The following JPT1 variants were observed in gnomAD, a reference collection of about 807,000 sequenced individuals.
JPT1 encodes the protein Jupiter microtubule associated homolog 1.
A neutral mutation model predicts 17.0 loss-of-function variants in JPT1; 5 were observed. That is an observed-to-expected ratio of 0.29 (90% CI 0.15 to 0.62). The LOEUF (loss-of-function observed/expected upper bound fraction) is 0.62, where lower values mean the gene tolerates loss of function less well. JPT1 is among the 20% of genes least tolerant of loss of function. The pLI is 0.85. For missense variants in JPT1, 158 were observed against 188.1 expected, an observed-to-expected ratio of 0.84 and a Z score of 0.94; for synonymous variants, 71 against 73.6, an observed-to-expected ratio of 0.96 and a Z score of 0.18.
At chr17:75,145,415 G>A (rs1460574462) in intron 4 of JPT1, 1 of 152,142 alleles carries the variant, frequency 6.6e-6, no homozygotes, top group Non-Finnish European at 1.5e-5. Flanking sequence ...TTTAGCACTT[G>A]TTACAGAAAT....
chr17:75,149,180 G>A (rs994708787), intron 1 of JPT1: 24 of 493,240 alleles, frequency 4.9e-5, no homozygotes, highest in African/African-American at 1.2e-4. Context: ...GCAAGACCCC[G>A]TGTCTCTATA....
At chr17:75,139,871 GGTTT>G (rs1157810692) in intron 4 of JPT1, among the ~76,000 whole-genome samples, 9 of 152,180 alleles carry the variant, frequency 5.9e-5, no homozygotes, top group East Asian at 5.8e-4. Flanking sequence ...AGAGGAGGGA[GGTTT>G]GTTTGTTTCC....
In JPT1 at chr17:75,151,207, C is replaced by G. The variant is rs979537392; in HGVS notation, c.57-2536G>C. ...TTCTATCTGGGCGTGGTGATGTGAACCTGTAATCCCAGCTACTCCGGAGGC... is the reference window on the plus strand; with the variant it reads ...TTCTATCTGGGCGTGGTGATGTGAAGCTGTAATCCCAGCTACTCCGGAGGC... On this transcript the variant is annotated intron_variant, in intron 1 of 4. Coordinates refer to ENST00000409753, the MANE Select transcript of JPT1 (RefSeq NM_016185.4). Among the ~76,000 whole-genome samples, 3 of 152,110 alleles carry G rather than the reference C, an allele frequency of 2.0e-5. No individual in the cohort carries two copies. In the South Asian group the frequency reaches 6.2e-4, roughly 31 times the overall value.
chr17:75,142,649 GA>G (rs2074346706), intron 4 of JPT1: 3 of 288,550 alleles, frequency 1.0e-5, no homozygotes, highest in Non-Finnish European at 1.9e-5. Context: ...GGGAGGGGGG[GA>G]TGGAGGGAAG....
intron 1 of JPT1, 109 bp from the exon 2 acceptor site, chr17:75,148,780 C>A (rs549682647): frequency 2.4e-6 from 3 of 1,253,878 alleles, no homozygotes; most frequent in Admixed American, 4.7e-5. Flanking sequence ...ATCTCCCTCA[C>A]CCCTACAACA....
chr17:75,147,904 C>A (rs899771139), intron 2 of JPT1: 1 of 415,758 alleles, frequency 2.4e-6, no homozygotes, highest in South Asian at 3.0e-5. Context: ...GAGGCTGAGG[C>A]AGAAGAATCA....
intron 4 of JPT1, chr17:75,142,623 G>GA: frequency 1.0e-5 from 1 of 97,350 alleles, no homozygotes. Flanking sequence ...GAGAGGAGGG[G>GA]AGGGAGGGGA....
At chr17:75,153,400 G>A (rs1379296241) in intron 1 of JPT1, 1 of 152,220 alleles carries the variant, frequency 6.6e-6, no homozygotes, top group Non-Finnish European at 1.5e-5. Context: ...TTCCCAGGTA[G>A]CGCTACCACG....
At chr17:75,144,123 G>A (rs554397132) in intron 4 of JPT1, among the ~76,000 whole-genome samples, 1 of 152,226 alleles carries the variant, frequency 6.6e-6, no homozygotes, top group African/African-American at 2.4e-5. Flanking sequence ...CCAGGAGGGT[G>A]GCACACCCCA....
At chr17:75,146,784 T>A in intron 3 of JPT1, 100 bp from the exon 4 acceptor site, 1 of 745,246 alleles carries the variant, frequency 1.3e-6, no homozygotes, top group South Asian at 1.6e-5. Context: ...TGAAACCGAA[T>A]GTGACATTTC....
At chr17:75,140,288 A>G (rs548230314) in intron 4 of JPT1, among the ~76,000 whole-genome samples, 96 of 152,068 alleles carry the variant, frequency 6.3e-4, no homozygotes, top group African/African-American at 1.9e-3. Flanking sequence ...AAAAAAAAAA[A>G]GGGCTTTAAA....
intron 4 of JPT1, among the ~76,000 whole-genome samples, chr17:75,136,584 C>T (rs2074202872): frequency 6.6e-6 from 1 of 152,078 alleles, no homozygotes; most frequent in Admixed American, 6.6e-5. Flanking sequence ...CTCCACTTCC[C>T]AGGTTCAAGC....
At chr17:75,147,973 T>C (rs1003264104) in intron 2 of JPT1, 3 of 292,820 alleles carry the variant, frequency 1.0e-5, no homozygotes, top group African/African-American at 6.4e-5. Flanking sequence ...CACTCTGTAC[T>C]CCAGCCTGGG....
At chr17:75,147,243 C>T (rs1207822795) in intron 3 of JPT1, among the ~76,000 whole-genome samples, 1 of 151,632 alleles carries the variant, frequency 6.6e-6, no homozygotes, top group East Asian at 1.9e-4. Context: ...TCCTGGAGTT[C>T]AACGCAAAGC....
chr17:75,154,154 T>A (rs1224564576), intron 1 of JPT1, 188 bp downstream of exon 1: 1 of 289,498 alleles, frequency 3.5e-6, no homozygotes, highest in African/African-American at 2.2e-5. Context: ...GGGACCCGGG[T>A]GGGGCCGGCG....
chr17:75,136,690 C>G (rs1363552541), intron 4 of JPT1, among the ~76,000 whole-genome samples: 1 of 152,174 alleles, frequency 6.6e-6, no homozygotes, highest in Non-Finnish European at 1.5e-5. Context: ...TGGGGTTTCA[C>G]CATCCTGGCC....
chr17:75,148,695 A>G, intron 1 of JPT1, 24 bp from the exon 2 acceptor site: 1 of 1,611,908 alleles, frequency 6.2e-7, no homozygotes, highest in South Asian at 1.1e-5. Context: ...CAAAACATCA[A>G]CTTCAGATCA....
At chr17:75,149,068 T>C in intron 1 of JPT1, 1 of 1,276,916 alleles carries the variant, frequency 7.8e-7, no homozygotes, top group Non-Finnish European at 1.0e-6. Flanking sequence ...TTAAAAATCA[T>C]TTCCAGGCAC....
chr17:75,137,685 C>CTTTTTTT (rs60118585), intron 4 of JPT1, among the ~76,000 whole-genome samples: 3 of 112,846 alleles, frequency 2.7e-5, no homozygotes, highest in African/African-American at 4.8e-5. Flanking sequence ...CCTAGTTTTC[C>CTTTTTTT]TTTTTTTTTT....
Sources: gnomAD v4.1 joint callset for allele counts (sites outside exome capture counted in the v4.1 genomes callset) on GRCh38, gnomAD v4.1.1 for gene constraint, MANE v1.5 for transcripts, NCBI Gene and HGNC (gene_info 2026-07-23, HGNC 2026-07-21) for gene names.